Variants in TXK observed in about 807,000 individuals in gnomAD.
The protein encoded by TXK is TXK tyrosine kinase.
A neutral mutation model predicts 81.0 loss-of-function variants in TXK; 60 were observed. The observed-to-expected ratio is 0.74, with a 90% CI of 0.60 to 0.92. TXK has a LOEUF of 0.92. Among genes scored for constraint, TXK ranks in the 40% least tolerant of loss-of-function variants. The pLI is 0.00. For synonymous variants in TXK, 203 were observed against 210.7 expected (o/e 0.96, Z 0.32); for missense variants, 581 against 638.3 (o/e 0.91, Z 0.97).
intron 13 of TXK, among the ~76,000 whole-genome samples, chr4:48,072,308 T>G (rs1367255365): frequency 1.3e-5 from 2 of 152,156 alleles, no homozygotes; most frequent in African/African-American, 2.4e-5. Flanking sequence ...CGGCCTAGCA[T>G]TTTCATTTCT....
At chr4:48,091,842 G>C (rs557982301) in intron 8 of TXK, among the ~76,000 whole-genome samples, 5 of 152,278 alleles carry the variant, frequency 3.3e-5, no homozygotes, top group African/African-American at 1.2e-4. Flanking sequence ...GGTACTAGCA[G>C]AATGGATTAA....
intron 8 of TXK, among the ~76,000 whole-genome samples, 171 bp from the exon 9 acceptor site, chr4:48,089,995 C>A (rs553456398): frequency 6.6e-6 from 1 of 152,052 alleles, no homozygotes; most frequent in African/African-American, 2.4e-5. Context: ...AAAATATATA[C>A]TCATTGTATA....
At chr4:48,107,362 G>A (rs1442941350) in intron 5 of TXK, among the ~76,000 whole-genome samples, 1 of 151,364 alleles carries the variant, frequency 6.6e-6, no homozygotes, top group Non-Finnish European at 1.5e-5. Flanking sequence ...CATTGACACA[G>A]CATTCCTTCC....
At chr4:48,083,953 A>C (rs1717408310) in intron 10 of TXK, among the ~76,000 whole-genome samples, 1 of 152,198 alleles carries the variant, frequency 6.6e-6, no homozygotes, top group African/African-American at 2.4e-5. Flanking sequence ...CACACACAGA[A>C]AGGAGCTAAT....
intron 10 of TXK, among the ~76,000 whole-genome samples, chr4:48,086,214 C>T (rs150362745): frequency 6.6e-6 from 1 of 152,348 alleles, no homozygotes; most frequent in Admixed American, 6.5e-5. Context: ...TACATAAATT[C>T]TCTTATTTAA....
intron 1 of TXK, among the ~76,000 whole-genome samples, chr4:48,127,374 CCAGT>C (rs944091199): frequency 6.6e-6 from 1 of 152,134 alleles, no homozygotes; most frequent in Non-Finnish European, 1.5e-5. Context: ...ACAGGTGTTC[CCAGT>C]AAGTAAATAG....
chr4:48,075,056 G>A (rs1265022142), intron 12 of TXK, among the ~76,000 whole-genome samples: 1 of 152,022 alleles, frequency 6.6e-6, no homozygotes, highest in East Asian at 1.9e-4. Context: ...TGAGCTTTGG[G>A]GGGATCTTTT....
At chr4:48,081,955 G>A (rs1246471807) in intron 10 of TXK, among the ~76,000 whole-genome samples, 2 of 152,140 alleles carry the variant, frequency 1.3e-5, no homozygotes, top group African/African-American at 4.8e-5. Flanking sequence ...CAATTTATCA[G>A]CAAGTCTTGA....
At chr4:48,071,310 C>T (rs901683120) in intron 14 of TXK, among the ~76,000 whole-genome samples, 12 of 152,118 alleles carry the variant, frequency 7.9e-5, no homozygotes, top group South Asian at 2.1e-4. Context: ...GCACTGAATT[C>T]CTCAGATAAA....
rs879038990 is a variant in TXK, at chr4:48,074,113, A to G, written c.1239-60T>C. ...TTACCTCCAAGCTCTATTTACTTCA[A>G]ATCCCTTTAGTTAACTCTAAGTTGC... On this transcript the variant is annotated intron_variant, in intron 12 of 14. Coordinates refer to ENST00000264316, the MANE Select transcript of TXK (RefSeq NM_003328.3). The G allele has an allele frequency of 6.8e-6, 9 of 1,319,020 alleles. No individual in the cohort carries two copies. In the South Asian group the frequency reaches 1.1e-4, roughly 17 times the overall value. 81.7% of individuals were successfully genotyped at this position (1,319,020 alleles called of 1,614,324 possible). A position where few individuals can be genotyped will look rare whatever the true frequency, so the allele number is the denominator to read the frequency against.
intron 9 of TXK, among the ~76,000 whole-genome samples, 184 bp from the exon 10 acceptor site, chr4:48,086,821 C>T (rs1373786493): frequency 6.6e-6 from 1 of 152,148 alleles, no homozygotes; most frequent in East Asian, 1.9e-4. Context: ...ACTCAAGTTT[C>T]AAAACACAAA....
chr4:48,131,768 C>T (rs978468455), intron 1 of TXK, among the ~76,000 whole-genome samples: 2 of 152,178 alleles, frequency 1.3e-5, no homozygotes, highest in African/African-American at 2.4e-5. Context: ...ATAACCGAAT[C>T]CTTCCTGCTG....
At chr4:48,129,374 AAAG>A (rs148552642) in intron 1 of TXK, among the ~76,000 whole-genome samples, 3,650 of 152,196 alleles carry the variant, frequency 0.024, 156 homozygotes, top group African/African-American at 0.085. Flanking sequence ...GTGAAACCTT[AAAG>A]AAGGGAGGAT....
intron 1 of TXK, among the ~76,000 whole-genome samples, chr4:48,128,657 C>T (rs1369347039): frequency 2.0e-5 from 3 of 150,464 alleles, no homozygotes; most frequent in Non-Finnish European, 3.0e-5. Context: ...CCTCTGCTCC[C>T]GGGTTCACGC....
chr4:48,076,608 A>G (rs1717079425), intron 11 of TXK, 142 bp from the exon 12 acceptor site: 1 of 654,520 alleles, frequency 1.5e-6, no homozygotes, highest in Admixed American at 3.1e-5. Flanking sequence ...ATATCCATCA[A>G]TGGTATAGAT....
intron 1 of TXK, among the ~76,000 whole-genome samples, chr4:48,121,526 A>AAG (rs1481672229): frequency 1.3e-5 from 2 of 152,220 alleles, no homozygotes; most frequent in Non-Finnish European, 2.9e-5. Context: ...CAAAATCCAT[A>AAG]GATGCTTAAG....
chr4:48,105,155 GT>G (rs1718412349), intron 5 of TXK, among the ~76,000 whole-genome samples, 200 bp from the exon 6 acceptor site: 1 of 151,916 alleles, frequency 6.6e-6, no homozygotes, highest in African/African-American at 2.4e-5. Context: ...TCAATATCTA[GT>G]TTATTCTATC....
chr4:48,113,199 A>T lies in TXK; in HGVS notation c.174+8T>A, dbSNP rs1718692796. On this transcript the variant is annotated splice_region_variant and intron_variant, in intron 3 of 14. Coordinates refer to ENST00000264316, the MANE Select transcript of TXK (RefSeq NM_003328.3). ...CATTCCCCTCTTGCCTGTCAAAATG[A>T]TACTTACTTGCTTCTTATTTGACAA... 6.2e-7 allele frequency: 1 copy of T among 1,606,040 alleles called. No homozygotes were observed. The highest frequency in any genetic ancestry group is 1.3e-5 in the African/African-American group (1 of 74,678).
At chr4:48,102,972 C>T (rs1718257490) in intron 6 of TXK, among the ~76,000 whole-genome samples, 2 of 152,080 alleles carry the variant, frequency 1.3e-5, no homozygotes, top group South Asian at 2.1e-4. Context: ...ACCCTTCTAC[C>T]GCGATTGCCT....
Sources: allele counts gnomAD v4.1 joint callset (sites outside exome capture counted in the v4.1 genomes callset), GRCh38; gene constraint gnomAD v4.1.1; transcripts MANE v1.5; gene names NCBI Gene and HGNC (gene_info 2026-07-23, HGNC 2026-07-21).